Variants in TANC1 observed in about 807,000 individuals in gnomAD.
The protein encoded by TANC1 is tetratricopeptide repeat, ankyrin repeat and coiled-coil containing 1, also known as protein TANC1.
In TANC1, 77 loss-of-function variants were observed where a neutral mutation model predicts 149.7. That is an observed-to-expected ratio of 0.51 (90% CI 0.43 to 0.62). The LOEUF (loss-of-function observed/expected upper bound fraction) is 0.62. Ranked by LOEUF, TANC1 falls within the 20% of genes least tolerant of loss-of-function variation. The pLI is 0.00. For synonymous variants in TANC1, 854 were observed against 925.0 expected, an observed-to-expected ratio of 0.92 and a Z score of 1.39; for missense variants, 1,985 against 2,321.8, an observed-to-expected ratio of 0.85 and a Z score of 2.98.
At chr2:159,004,979 G>A (rs529305658) in intron 2 of TANC1, among the ~76,000 whole-genome samples, 23 of 152,140 alleles carry the variant, frequency 1.5e-4, no homozygotes, top group African/African-American at 4.8e-4. Flanking sequence ...CATTTCTTAC[G>A]AGAAATAAAG....
At chr2:159,009,507 A>T (rs953197730) in intron 2 of TANC1, among the ~76,000 whole-genome samples, 1 of 152,200 alleles carries the variant, frequency 6.6e-6, no homozygotes, top group Non-Finnish European at 1.5e-5. Flanking sequence ...AAAGATAAAT[A>T]CCGCATGGTC....
rs147369627 is a variant in TANC1, at chr2:159,047,418, G to A, written c.-15-18478G>A. Among the ~76,000 whole-genome samples, 326 of 151,834 alleles carry A rather than the reference G, an allele frequency of 2.1e-3. 1 individual carries two copies. Among genetic ancestry groups the A allele is most frequent in the Middle Eastern group, 0.01 (3 of 294 alleles). ...AAACGCAAACTTAAGTCATTCCACC[G>A]TGAAAGAAAAATATCTTGGGCCCCC... On this transcript the variant is annotated intron_variant, in intron 2 of 26. Coordinates refer to ENST00000263635, the MANE Select transcript of TANC1 (RefSeq NM_033394.3).
intron 22 of TANC1, among the ~76,000 whole-genome samples, chr2:159,223,877 A>G (rs1175573813): frequency 6.6e-6 from 1 of 152,144 alleles, no homozygotes; most frequent in Non-Finnish European, 1.5e-5. Context: ...GAGCTCATTG[A>G]AGAAGTCTGC....
intron 3 of TANC1, among the ~76,000 whole-genome samples, chr2:159,082,968 CAG>C (rs1030349836): frequency 4.6e-5 from 7 of 152,144 alleles, no homozygotes; most frequent in African/African-American, 1.7e-4. Context: ...TTATTTAAGA[CAG>C]AGTCTTGCTT....
rs1575364802 is a variant in TANC1 at position 159,224,512 on chromosome 2, A to G, written c.3811+148A>G. On this transcript the variant is annotated intron_variant, in intron 23 of 26. Transcript: ENST00000263635. ...TCTGTCTCAGTCTCACTTAATCACC[A>G]TTATACACAATGTGTAAGTAGCTCA... 1.7e-5 allele frequency: 15 copies of G among 859,996 alleles called. No homozygotes were observed. The East Asian group carries it at 4.0e-4, about 23-fold the overall frequency. The allele number at this position is 859,996 out of a possible 1,614,324, so 53.3% of individuals were successfully genotyped here. A position where few individuals can be genotyped will look rare whatever the true frequency, so the allele number is the denominator to read the frequency against.
chr2:159,196,760 G>A lies in TANC1; in HGVS notation c.3132G>A (p.Ala1044=), dbSNP rs183512500. The change falls in exon 18 of 27, where the codon GCG becomes GCA. Residue 1044 remains alanine (A), a synonymous_variant. Transcript: ENST00000263635. ...GGAAGAGCCACGCCCTGCAGCAGGCGCTGACCGCGGCGGCCAGCATGGGCC... is the reference window on the plus strand; with the variant it reads ...GGAAGAGCCACGCCCTGCAGCAGGCACTGACCGCGGCGGCCAGCATGGGCC... ...TLRKSHALQQ[A]LTAAASMGHS... 1.1e-4 allele frequency: 170 copies of A among 1,612,718 alleles called. No homozygotes were observed. Among genetic ancestry groups the A allele is most frequent in the Middle Eastern group, 1.7e-4 (1 of 6,034 alleles).
At chr2:159,114,153 G>A (rs1189681490) in intron 4 of TANC1, among the ~76,000 whole-genome samples, 1 of 152,166 alleles carries the variant, frequency 6.6e-6, no homozygotes, top group African/African-American at 2.4e-5. Flanking sequence ...AGAGGAGTGT[G>A]AAAAGCAGTT....
At chr2:159,006,295 CAA>C (rs71406138) in intron 2 of TANC1, among the ~76,000 whole-genome samples, 6 of 75,140 alleles carry the variant, frequency 8.0e-5, no homozygotes, top group African/African-American at 2.5e-4. Context: ...GACTTAGTCT[CAA>C]AAAAAAAAAA....
chr2:159,209,507 AG>A (rs1394347703), intron 19 of TANC1, among the ~76,000 whole-genome samples: 1 of 152,102 alleles, frequency 6.6e-6, no homozygotes, highest in Non-Finnish European at 1.5e-5. Flanking sequence ...TTTTGGGGAA[AG>A]GTTGCTGCTT....
intron 3 of TANC1, among the ~76,000 whole-genome samples, chr2:159,089,401 C>T (rs545526089): frequency 1.7e-3 from 257 of 152,270 alleles, no homozygotes; most frequent in Non-Finnish European, 1.5e-3. Flanking sequence ...ATGCATTTAT[C>T]GCCTGCACCC....
intron 1 of TANC1, among the ~76,000 whole-genome samples, chr2:158,970,379 G>A (rs1242180450): frequency 6.6e-6 from 1 of 152,196 alleles, no homozygotes; most frequent in Non-Finnish European, 1.5e-5. Flanking sequence ...AGGTATTTCA[G>A]ATCTGCTACT....
In TANC1 at chr2:159,150,480, G is replaced by T. The variant is rs759065591; in HGVS notation, c.606G>T (p.Thr202=). 3 of 1,614,016 alleles carry T rather than the reference G, an allele frequency of 1.9e-6. No individual in the cohort carries two copies. In the South Asian group the frequency reaches 3.3e-5, roughly 18 times the overall value. Residue 202 remains threonine (T), a synonymous_variant, in exon 7 of 27, where the codon ACG becomes ACT. Transcript: ENST00000263635. The part of the protein sequence containing the change: ...CSTLNSCVSK[T]AANKSPCETI... ...CCTTGAATAGCTGTGTCAGCAAGAC[G>T]GCAGCCAACAAAAGTCCCTGTGAGA...
chr2:159,201,342 G>A (rs1394403348), intron 19 of TANC1, among the ~76,000 whole-genome samples: 2 of 152,196 alleles, frequency 1.3e-5, no homozygotes, highest in Admixed American at 6.5e-5. Context: ...ATTTGGCCAC[G>A]TGGGGTCTGT....
chr2:158,981,726 T>TA (rs1011806487), intron 1 of TANC1, among the ~76,000 whole-genome samples: 67 of 151,600 alleles, frequency 4.4e-4, no homozygotes, highest in African/African-American at 1.3e-3. Context: ...GCCTGGGTGT[T>TA]AAACGTTTTT....
chr2:159,079,949 G>A (rs574369165), intron 3 of TANC1, among the ~76,000 whole-genome samples: 42 of 152,274 alleles, frequency 2.8e-4, no homozygotes, highest in East Asian at 5.8e-4. Context: ...GAAGTTTAAC[G>A]AATTTTTAAA....
chr2:159,227,466 C>A, intron 24 of TANC1: 1 of 229,822 alleles, frequency 4.4e-6, no homozygotes, highest in Non-Finnish European at 8.4e-6. Context: ...ACTTAGCATT[C>A]AAATAGATTT....
intron 1 of TANC1, among the ~76,000 whole-genome samples, chr2:158,993,302 C>G (rs1203669940): frequency 6.6e-6 from 1 of 152,126 alleles, no homozygotes; most frequent in Non-Finnish European, 1.5e-5. Context: ...CTCGTTCTGT[C>G]AGGCAGGAGT....
chr2:159,062,250 C>CA (rs150977136), intron 2 of TANC1, among the ~76,000 whole-genome samples: 1 of 151,888 alleles, frequency 6.6e-6, no homozygotes, highest in Non-Finnish European at 1.5e-5. Flanking sequence ...AACAAACAAA[C>CA]AAAAAACAAA....
In TANC1 at chr2:159,170,729, C is replaced by T. The variant is rs370255355; in HGVS notation, c.1275C>T (p.Ser425=). Residue 425 remains serine, a synonymous_variant, in exon 10 of 27, where the codon TCC becomes TCT. Coordinates refer to ENST00000263635, the MANE Select transcript of TANC1 (RefSeq NM_033394.3). ...NVGFGKTAII[S]KLVALSCHGS... ...GATTTGGGAAGACGGCAATCATTTCCAAGTTGGTGGCCCTGAGCTGCCACG... is the reference window on the plus strand; with the variant it reads ...GATTTGGGAAGACGGCAATCATTTCTAAGTTGGTGGCCCTGAGCTGCCACG... 3.3e-5 allele frequency: 53 copies of T among 1,614,030 alleles called. No individual in the cohort carries two copies. Among genetic ancestry groups the T allele is most frequent in the Non-Finnish European group, 4.5e-5 (53 of 1,180,036 alleles).
Sources: gnomAD v4.1 joint callset for allele counts (sites outside exome capture counted in the v4.1 genomes callset) on GRCh38, gnomAD v4.1.1 for gene constraint, MANE v1.5 for transcripts, NCBI Gene and HGNC (gene_info 2026-07-23, HGNC 2026-07-21) for gene names.